The following HRH1 variants were observed in gnomAD, a reference collection of about 807,000 sequenced individuals.
The protein encoded by HRH1 is histamine receptor H1.
HRH1 carries 6 observed loss-of-function variants against 10.3 expected under a neutral mutation model. The observed-to-expected ratio is 0.58, with a 90% CI of 0.32 to 1.15. The LOEUF (loss-of-function observed/expected upper bound fraction) is 1.15. Ranked by LOEUF, HRH1 falls within the 50% of genes most tolerant of loss-of-function variation. The pLI is 0.05. For missense variants in HRH1, 514 were observed against 615.3 expected (o/e 0.84, Z 1.74); for synonymous variants, 242 against 236.7 (o/e 1.02, Z -0.21).
At chr3:11,195,844 G>C (rs1384712086) in intron 1 of HRH1, among the ~76,000 whole-genome samples, 1 of 152,204 alleles carries the variant, frequency 6.6e-6, no homozygotes, top group Non-Finnish European at 1.5e-5. Context: ...CAAACACGCT[G>C]TCTCTCTTCC....
intron 1 of HRH1, among the ~76,000 whole-genome samples, chr3:11,188,909 A>G (rs1292647863): frequency 1.3e-5 from 2 of 152,318 alleles, no homozygotes; most frequent in Middle Eastern, 3.4e-3. Flanking sequence ...TTCTTCTTTA[A>G]GATCTGAAGT....
intron 1 of HRH1, among the ~76,000 whole-genome samples, chr3:11,244,579 A>C (rs1037572810): frequency 6.6e-6 from 1 of 152,232 alleles, no homozygotes; most frequent in African/African-American, 2.4e-5. Flanking sequence ...CAGACACTGT[A>C]CTAGGTGCTT....
At chr3:11,212,213 G>T (rs1938351228) in intron 1 of HRH1, among the ~76,000 whole-genome samples, 3 of 152,190 alleles carry the variant, frequency 2.0e-5, no homozygotes, top group Admixed American at 1.3e-4. Flanking sequence ...TTTTCCTGCT[G>T]TGAGGCAGTG....
At chr3:11,209,349 C>A (rs1329745917) in intron 1 of HRH1, among the ~76,000 whole-genome samples, 1 of 152,168 alleles carries the variant, frequency 6.6e-6, no homozygotes, top group African/African-American at 2.4e-5. Flanking sequence ...GCCTCAGCCT[C>A]CCCAGTACTG....
Position 11,201,557 on chromosome 3 carries a change from T to C in HRH1, c.-36+47003T>C, listed in dbSNP as rs147319851. Reference sequence around the variant, plus strand: ...TGGGGTGTGTGCCTAACAGTGGGGATCAGAGTGAGGGAAACCTCTGCAGAG... The same window carrying C: ...TGGGGTGTGTGCCTAACAGTGGGGACCAGAGTGAGGGAAACCTCTGCAGAG... On this transcript the variant is annotated intron_variant, in intron 1 of 1. Coordinates refer to ENST00000431010, the MANE Select transcript of HRH1 (RefSeq NM_001098212.2). Among the ~76,000 whole-genome samples, 1,517 of 152,070 alleles carry C rather than the reference T, an allele frequency of 1.0e-2. 27 individuals are homozygous for C. Among genetic ancestry groups the C allele is most frequent in the African/African-American group, 0.035 (1,443 of 41,460 alleles).
chr3:11,243,382 G>T (rs887141979), intron 1 of HRH1, among the ~76,000 whole-genome samples: 1 of 152,192 alleles, frequency 6.6e-6, no homozygotes, highest in Non-Finnish European at 1.5e-5. Context: ...AGAAATAGTG[G>T]ACATCCTCCA....
At chr3:11,148,517 A>G (rs572401729) in intron 1 of HRH1, among the ~76,000 whole-genome samples, 1 of 152,192 alleles carries the variant, frequency 6.6e-6, no homozygotes, top group Non-Finnish European at 1.5e-5. Context: ...GTTATTTCAT[A>G]TTGCTGCTCC....
intron 1 of HRH1, among the ~76,000 whole-genome samples, chr3:11,201,844 A>G (rs1396246247): frequency 6.6e-6 from 1 of 152,160 alleles, no homozygotes; most frequent in Non-Finnish European, 1.5e-5. Flanking sequence ...AGTCCAGGCT[A>G]TTGTTAACTT....
chr3:11,235,813 A>C (rs1939166732), intron 1 of HRH1, among the ~76,000 whole-genome samples: 1 of 152,222 alleles, frequency 6.6e-6, no homozygotes, highest in Non-Finnish European at 1.5e-5. Context: ...GAAATAGAGC[A>C]GGTGTTGTCT....
chr3:11,259,184 G>A lies in HRH1; in HGVS notation c.147G>A (p.Leu49=), dbSNP rs2152590248. 3 of 1,613,734 alleles carry A rather than the reference G, an allele frequency of 1.9e-6. No individual in the cohort carries two copies. The highest frequency in any genetic ancestry group is 2.2e-5 in the East Asian group (1 of 44,814). Residue 49 remains leucine (L), a synonymous_variant, in exon 2 of 2, where the codon CTG becomes CTA. Coordinates refer to ENST00000431010, the MANE Select transcript of HRH1 (RefSeq NM_001098212.2). The surrounding 1 kb of genome is among the most constrained non-coding windows in gnomAD (Gnocchi z 4.6). ...LVTVGLNLLV[L]YAVRSERKLH... ...CAGTAGGGCTCAACCTGCTGGTGCT[G>A]TATGCCGTACGGAGTGAGCGGAAGC...
At chr3:11,237,458 C>A (rs1939211647) in intron 1 of HRH1, among the ~76,000 whole-genome samples, 1 of 152,132 alleles carries the variant, frequency 6.6e-6, no homozygotes, top group African/African-American at 2.4e-5. Flanking sequence ...ACTCTGGGAT[C>A]TCTTAGTGCA....
intron 1 of HRH1, among the ~76,000 whole-genome samples, chr3:11,193,547 C>T (rs182168585): frequency 4.9e-4 from 74 of 152,120 alleles, no homozygotes; most frequent in Non-Finnish European, 8.1e-4. Flanking sequence ...GTTCATAGAC[C>T]GAACCTTCTC....
chr3:11,153,418 C>A (rs1299652984), upstream of HRH1, among the ~76,000 whole-genome samples: 1 of 152,048 alleles, frequency 6.6e-6, no homozygotes, highest in East Asian at 1.9e-4. Context: ...GAGCCTCAGA[C>A]CCAGCTCTGT....
intron 1 of HRH1, among the ~76,000 whole-genome samples, chr3:11,254,405 C>T (rs1464172043): frequency 6.6e-6 from 1 of 152,216 alleles, no homozygotes; most frequent in Non-Finnish European, 1.5e-5. Flanking sequence ...GATCCGGACT[C>T]TGCACTTGCT....
At position 11,162,449 on chromosome 3, in the gene HRH1, C is replaced by T. The variant is rs114496979; in HGVS notation, c.-36+7895C>T. Among the ~76,000 whole-genome samples the T allele has an allele frequency of 2.3e-3, 334 of 146,922 alleles. 7 individuals are homozygous for T. The highest frequency in any genetic ancestry group is 8.5e-3 in the African/African-American group (322 of 38,052). ...GGGTATGGGAGAAATAGCCCCTGAC[C>T]TTTCTGACCCTCCTGTCCTGATGAC... On this transcript the variant is annotated intron_variant, in intron 1 of 1. Transcript: ENST00000431010.
chr3:11,203,439 G>C (rs575044809), intron 1 of HRH1, among the ~76,000 whole-genome samples: 1 of 152,258 alleles, frequency 6.6e-6, no homozygotes, highest in Admixed American at 6.5e-5. Context: ...GCCAACCCAA[G>C]GTCATCCAGG....
At chr3:11,138,296 A>G (rs1262257744) in intron 1 of HRH1, among the ~76,000 whole-genome samples, 10 of 151,326 alleles carry the variant, frequency 6.6e-5, no homozygotes, top group South Asian at 4.2e-4. Flanking sequence ...TGCTAGGATT[A>G]CAGGCGTGAG....
chr3:11,217,214 CAAAAA>C (rs36051207), intron 1 of HRH1, among the ~76,000 whole-genome samples: 1 of 137,270 alleles, frequency 7.3e-6, no homozygotes, highest in African/African-American at 2.8e-5. Flanking sequence ...CAAACAAAAC[CAAAAA>C]AAAAAAAACA....
intron 1 of HRH1, among the ~76,000 whole-genome samples, chr3:11,225,148 C>T (rs1277955181): frequency 6.6e-6 from 1 of 152,190 alleles, no homozygotes; most frequent in Non-Finnish European, 1.5e-5. Flanking sequence ...GCCCCTGGAA[C>T]TCATTTGTGA....
Sources: gnomAD v4.1 joint callset for allele counts (sites outside exome capture counted in the v4.1 genomes callset) on GRCh38, gnomAD v4.1.1 for gene constraint, Gnocchi (gnomAD v3.1) non-coding constraint, MANE v1.5 for transcripts, NCBI Gene and HGNC (gene_info 2026-07-23, HGNC 2026-07-21) for gene names.